LYPD6: variants seen among roughly 807,000 people sequenced by gnomAD.
LYPD6 encodes ly6/PLAUR domain-containing protein 6.
In LYPD6, 15 loss-of-function variants were observed where a neutral mutation model predicts 22.7. The observed-to-expected ratio is 0.66, with a 90% CI of 0.44 to 1.02. The LOEUF is 1.02. LYPD6 is among the 50% of genes least tolerant of loss of function. The probability of loss-of-function intolerance (pLI) is 0.00; values close to 1 mark genes in which losing one functional copy is unlikely to be tolerated. For missense variants in LYPD6, 189 were observed against 208.4 expected (o/e 0.91, Z 0.57); for synonymous variants, 72 against 77.5 (o/e 0.93, Z 0.37).
intron 3 of LYPD6, among the ~76,000 whole-genome samples, chr2:149,464,699 G>A (rs867987673): frequency 6.6e-5 from 10 of 152,218 alleles, no homozygotes; most frequent in South Asian, 2.1e-4. Context: ...GCTTTTGTGC[G>A]TGGCGGGTTG....
At chr2:149,408,239 C>T (rs550021222) in intron 1 of LYPD6, among the ~76,000 whole-genome samples, 4 of 152,272 alleles carry the variant, frequency 2.6e-5, no homozygotes, top group African/African-American at 9.6e-5. Context: ...CAGCTGCGTG[C>T]TGGGAGAACC....
At chr2:149,345,612 G>A (rs1450484765) in intron 1 of LYPD6, among the ~76,000 whole-genome samples, 4 of 151,772 alleles carry the variant, frequency 2.6e-5, no homozygotes. Flanking sequence ...AACGCACCCG[G>A]CCTTAATTTA....
chr2:149,363,436 C>G lies in LYPD6; in HGVS notation c.-72+32714C>G, dbSNP rs111455313. Among the ~76,000 whole-genome samples, 770 of 152,322 alleles carry G rather than the reference C, an allele frequency of 5.1e-3. 3 individuals are homozygous for G. Among genetic ancestry groups the G allele is most frequent in the African/African-American group, 0.017 (726 of 41,570 alleles). On this transcript the variant is annotated intron_variant, in intron 1 of 4. Transcript: ENST00000334166. ...TACCCAATATGTGATGGCACTGGGA[C>G]TTGGAAGTGAGCAGTCTGGCTCCCA...
chr2:149,405,121 T>C (rs540737735), intron 1 of LYPD6, among the ~76,000 whole-genome samples: 2,204 of 150,294 alleles, frequency 0.015, 57 homozygotes, highest in African/African-American at 0.053. Context: ...TGATGTGCTG[T>C]TGGATTTGGT....
chr2:149,422,028 A>G (rs1185594417), intron 1 of LYPD6, among the ~76,000 whole-genome samples: 1 of 151,876 alleles, frequency 6.6e-6, no homozygotes, highest in Non-Finnish European at 1.5e-5. Context: ...TTGGCATGCT[A>G]TGGCGCCTCT....
chr2:149,402,089 T>G (rs1682569178), intron 1 of LYPD6, among the ~76,000 whole-genome samples: 1 of 151,800 alleles, frequency 6.6e-6, no homozygotes, highest in African/African-American at 2.4e-5. Context: ...TGTATACCTA[T>G]GTAACAAACC....
chr2:149,465,409 A>T (rs1159184427), intron 3 of LYPD6, among the ~76,000 whole-genome samples: 1 of 152,166 alleles, frequency 6.6e-6, no homozygotes, highest in East Asian at 1.9e-4. Flanking sequence ...GGCAGCTGCG[A>T]CTGGCCTTTC....
chr2:149,472,484 C>G lies in LYPD6; in HGVS notation c.*1634C>G, dbSNP rs1405677300. ...ATCTGCCCTCCATAGAAAAATGTCT[C>G]TGGCTCATAAAATGAGACTCCCTCA... On this transcript the variant is annotated 3_prime_UTR_variant, in exon 5 of 5. Coordinates refer to ENST00000334166, the MANE Select transcript of LYPD6 (RefSeq NM_194317.5). The G allele has an allele frequency of 6.6e-6, 1 of 152,636 alleles. No homozygotes were observed. The highest frequency in any genetic ancestry group is 1.5e-5 in the Non-Finnish European group (1 of 68,048). 9.5% of individuals were successfully genotyped at this position (152,636 alleles called of 1,614,324 possible).
At chr2:149,396,651 A>G (rs1245538450) in intron 1 of LYPD6, among the ~76,000 whole-genome samples, 1 of 152,070 alleles carries the variant, frequency 6.6e-6, no homozygotes, top group African/African-American at 2.4e-5. Context: ...CCTCAGATGA[A>G]GCATGGGGTT....
chr2:149,396,772 T>C (rs1682436363), intron 1 of LYPD6, among the ~76,000 whole-genome samples: 1 of 152,194 alleles, frequency 6.6e-6, no homozygotes, highest in African/African-American at 2.4e-5. Flanking sequence ...AAAATGGGAA[T>C]TCTAAGAACA....
Position 149,472,194 on chromosome 2 carries a change from A to G in LYPD6, c.*1344A>G, listed in dbSNP as rs954348994. 1 of 152,182 alleles carries G rather than the reference A, an allele frequency of 6.6e-6. No individual in the cohort carries two copies. The highest frequency in any genetic ancestry group is 2.4e-5 in the African/African-American group (1 of 41,446). 9.4% of individuals were successfully genotyped at this position (152,182 alleles called of 1,614,324 possible). On this transcript the variant is annotated 3_prime_UTR_variant, in exon 5 of 5. Transcript: ENST00000334166. ...ACAAAGTGATCAAATTAGAATACATATTTTTCAACAGTGGTAGAGCTTTTA... is the reference window on the plus strand; with the variant it reads ...ACAAAGTGATCAAATTAGAATACATGTTTTTCAACAGTGGTAGAGCTTTTA...
At chr2:149,336,323 T>C (rs1305982673) in intron 1 of LYPD6, among the ~76,000 whole-genome samples, 1 of 152,152 alleles carries the variant, frequency 6.6e-6, no homozygotes, top group Non-Finnish European at 1.5e-5. Flanking sequence ...AAAGATCATC[T>C]AAATAGGAAG....
At chr2:149,453,463 C>T (rs1680880469) in intron 3 of LYPD6, among the ~76,000 whole-genome samples, 1 of 152,182 alleles carries the variant, frequency 6.6e-6, no homozygotes, top group African/African-American at 2.4e-5. Context: ...AGATGCCTCC[C>T]TCTAAGGCAA....
intron 1 of LYPD6, among the ~76,000 whole-genome samples, chr2:149,411,453 T>A (rs1201149375): frequency 1.3e-5 from 2 of 152,240 alleles, no homozygotes; most frequent in Non-Finnish European, 2.9e-5. Context: ...TCCATTTGCC[T>A]GGGCTTTTTA....
At chr2:149,380,384 C>T (rs968665273) in intron 1 of LYPD6, among the ~76,000 whole-genome samples, 5 of 152,120 alleles carry the variant, frequency 3.3e-5, no homozygotes, top group African/African-American at 1.2e-4. Context: ...AAGCAGGGAG[C>T]CCAGGTGGGA....
chr2:149,433,741 C>T (rs967489868), intron 1 of LYPD6, among the ~76,000 whole-genome samples: 2 of 152,186 alleles, frequency 1.3e-5, no homozygotes, highest in African/African-American at 4.8e-5. Context: ...GGCCAAGTTC[C>T]TGCAGCCACA....
chr2:149,365,558 A>T (rs2105071937), intron 1 of LYPD6, among the ~76,000 whole-genome samples: 1 of 151,468 alleles, frequency 6.6e-6, no homozygotes, highest in East Asian at 2.0e-4. Context: ...TCTTACGCTT[A>T]TTTTCTTCTC....
chr2:149,426,984 G>T (rs1269257055), intron 1 of LYPD6, among the ~76,000 whole-genome samples: 1 of 152,204 alleles, frequency 6.6e-6, no homozygotes, highest in Non-Finnish European at 1.5e-5. Context: ...ATCTCCACGG[G>T]TGCATAGCAG....
chr2:149,343,242 C>G (rs902027849), intron 1 of LYPD6, among the ~76,000 whole-genome samples: 1 of 151,682 alleles, frequency 6.6e-6, no homozygotes. Context: ...TGAATAAGAT[C>G]GAACATGGAA....
Sources: gnomAD v4.1 joint callset for allele counts (sites outside exome capture counted in the v4.1 genomes callset) on GRCh38, gnomAD v4.1.1 for gene constraint, MANE v1.5 for transcripts, NCBI Gene and HGNC (gene_info 2026-07-23, HGNC 2026-07-21) for gene names.